Variants in OPRM1 observed in about 807,000 individuals in gnomAD.
OPRM1 encodes mu-type opioid receptor.
In OPRM1, 27 loss-of-function variants were observed where a neutral mutation model predicts 31.8. The observed-to-expected ratio is 0.85, with a 90% CI of 0.63 to 1.17. The LOEUF (loss-of-function observed/expected upper bound fraction) is 1.17. OPRM1 is among the 50% of genes most tolerant of loss of function. OPRM1 has a pLI of 0.00. For synonymous variants in OPRM1, 196 were observed against 189.9 expected (o/e 1.03, Z -0.26); for missense variants, 536 against 511.1 (o/e 1.05, Z -0.47).
At chr6:154,206,373 T>G (rs1161509687) in intron 3 of OPRM1, among the ~76,000 whole-genome samples, 1 of 152,188 alleles carries the variant, frequency 6.6e-6, no homozygotes, top group Non-Finnish European at 1.5e-5. Flanking sequence ...GGGGAAATAT[T>G]TGTGGAACAA....
intron 1 of OPRM1, among the ~76,000 whole-genome samples, chr6:154,063,321 T>A (rs1456613446): frequency 6.6e-6 from 1 of 152,008 alleles, no homozygotes; most frequent in Admixed American, 6.6e-5. Flanking sequence ...TGTACTTTAT[T>A]TATTATACAG....
In OPRM1 at chr6:154,199,662, G is replaced by T. The variant is rs755616408; in HGVS notation, c.1165-47031G>T. The T allele has an allele frequency of 6.9e-6, 11 of 1,589,132 alleles. No homozygotes were observed. The African/African-American group carries it at 1.5e-4, about 21-fold the overall frequency. On this transcript the variant is annotated intron_variant, in intron 3 of 3. Coordinates refer to the OPRM1 transcript ENST00000337049. ...CTAACGAAGAATAAATAATTTATTG[G>T]TTTACCTTTGTCCATGATCTTTGAT...
intron 3 of OPRM1, among the ~76,000 whole-genome samples, chr6:154,211,942 G>C (rs1777995473): frequency 6.6e-6 from 1 of 152,194 alleles, no homozygotes; most frequent in African/African-American, 2.4e-5. Flanking sequence ...TCACAAAAGA[G>C]AAAGTTCTAA....
rs58429478 is a variant in OPRM1, at chr6:154,170,812, A to T, written c.1165-75881A>T. On this transcript the variant is annotated intron_variant, in intron 3 of 3. Coordinates refer to the OPRM1 transcript ENST00000337049. ...GTAGTAAGTGTGGATGAGGATGTGG[A>T]TAAATTGGAACCCTCATACATTGTT... Among the ~76,000 whole-genome samples the T allele has an allele frequency of 5.8e-3, 876 of 152,320 alleles. 11 individuals are homozygous for T. The highest frequency in any genetic ancestry group is 0.02 in the African/African-American group (852 of 41,564).
intron 3 of OPRM1, among the ~76,000 whole-genome samples, chr6:154,176,538 G>A (rs1800347088): frequency 6.6e-6 from 1 of 151,928 alleles, no homozygotes; most frequent in South Asian, 2.1e-4. Context: ...AACAGACAGA[G>A]AGCCAAATCA....
chr6:154,155,014 TA>T (rs970302270), intron 3 of OPRM1: 177 of 147,274 alleles, frequency 1.2e-3, no homozygotes, highest in East Asian at 5.1e-3. Context: ...GGCTAAAGGT[TA>T]AAAAAAAAAA....
intron 3 of OPRM1, among the ~76,000 whole-genome samples, chr6:154,185,597 T>A (rs1340048104): frequency 6.6e-6 from 1 of 152,236 alleles, no homozygotes; most frequent in Admixed American, 6.5e-5. Flanking sequence ...ATATGCCATA[T>A]GCTTATTATA....
rs116608363 is a variant in OPRM1 at position 154,111,397 on chromosome 6, T to G, written c.1165-7286T>G. Among the ~76,000 whole-genome samples, 883 of 152,310 alleles carry G rather than the reference T, an allele frequency of 5.8e-3. 5 individuals carry two copies. The highest frequency in any genetic ancestry group is 0.02 in the African/African-American group (841 of 41,558). On this transcript the variant is annotated intron_variant, in intron 3 of 3. Transcript: ENST00000330432. ...CCTGTTATTGCCTTCAATTGTAACT[T>G]TGAATGGCATCACAAAGAGAAAAGA...
In OPRM1 at chr6:154,122,729, T is replaced by C. The variant is rs1797372084; in HGVS notation, c.*4008T>C. 2.6e-5 allele frequency among the ~76,000 whole-genome samples: 4 copies of C among 152,200 alleles called. No homozygotes were observed. The highest frequency in any genetic ancestry group is 2.6e-4 in the Admixed American group (4 of 15,266). ...GTGGCAAATGTTCAACCTTTTGTTA[T>C]GCAATATCACCCATATCAAATACCA... On this transcript the variant is annotated 3_prime_UTR_variant, in exon 4 of 4. Transcript: ENST00000330432.
chr6:154,149,400 G>A (rs571966969), intron 3 of OPRM1, among the ~76,000 whole-genome samples: 15 of 152,170 alleles, frequency 9.9e-5, no homozygotes, highest in East Asian at 9.7e-4. Context: ...CCCATGACAC[G>A]TGGGATTATG....
rs968145559 is a variant in OPRM1, at chr6:154,122,163, A to G, written c.*3442A>G. On this transcript the variant is annotated 3_prime_UTR_variant, in exon 4 of 4. Coordinates refer to ENST00000330432, the MANE Select transcript of OPRM1 (RefSeq NM_000914.5). ...GCTTCTTAACTGGCCACACACACAC[A>G]AGTTGTGTTTGTACAATTCTTGAGG... Among the ~76,000 whole-genome samples the G allele has an allele frequency of 2.6e-5, 4 of 152,186 alleles. No homozygotes were observed. Among genetic ancestry groups the G allele is most frequent in the African/African-American group, 9.7e-5 (4 of 41,440 alleles).
intron 3 of OPRM1, chr6:154,167,775 C>T (rs1161391027): frequency 3.5e-6 from 2 of 577,080 alleles, no homozygotes; most frequent in Non-Finnish European, 6.0e-6. Context: ...TCAAGATCAT[C>T]TTGCCCTATA....
At chr6:154,133,784 T>C (rs1032389142), downstream of OPRM1, among the ~76,000 whole-genome samples, 2 of 152,250 alleles carry the variant, frequency 1.3e-5, no homozygotes, top group African/African-American at 4.8e-5. Flanking sequence ...CAATGAGTCT[T>C]GATTATCTAG....
chr6:154,088,940 C>G (rs2128481610), intron 1 of OPRM1, among the ~76,000 whole-genome samples: 1 of 152,264 alleles, frequency 6.6e-6, no homozygotes, highest in Admixed American at 6.5e-5. Context: ...CTAGAATGAC[C>G]TGCTCCTACC....
At chr6:154,057,910 AG>A (rs1783635641) in intron 1 of OPRM1, among the ~76,000 whole-genome samples, 1 of 152,254 alleles carries the variant, frequency 6.6e-6, no homozygotes, top group Non-Finnish European at 1.5e-5. Context: ...GTTTTGTATC[AG>A]TTTTGTGATA....
At chr6:154,178,297 A>AC (rs1374575350) in intron 3 of OPRM1, among the ~76,000 whole-genome samples, 2 of 152,194 alleles carry the variant, frequency 1.3e-5, no homozygotes, top group East Asian at 3.8e-4. Flanking sequence ...ATAATAAAAA[A>AC]AATTATATTA....
Position 154,125,234 on chromosome 6 carries a change from C to A in OPRM1, c.*6513C>A, listed in dbSNP as rs1797519808. 6.6e-6 allele frequency among the ~76,000 whole-genome samples: 1 copy of A among 152,120 alleles called. No homozygotes were observed. Among genetic ancestry groups the A allele is most frequent in the Admixed American group, 6.5e-5 (1 of 15,276 alleles). The stretch of plus-strand genomic sequence containing the variant: ...GAAAGAACAGTAATACTAATTATAT[C>A]CCATGTAAGGGGCTACTGACAATTT... On this transcript the variant is annotated 3_prime_UTR_variant, in exon 4 of 4. Transcript: ENST00000330432.
intron 3 of OPRM1, among the ~76,000 whole-genome samples, chr6:154,115,770 G>A (rs1322830573): frequency 6.6e-6 from 1 of 152,188 alleles, no homozygotes; most frequent in Non-Finnish European, 1.5e-5. Context: ...CATTAAAGGA[G>A]GATTGATCTC....
At chr6:154,103,186 A>G (rs9322447) in intron 3 of OPRM1, among the ~76,000 whole-genome samples, 74,998 of 151,928 alleles carry the variant, frequency 0.49, 19,284 homozygotes, top group East Asian at 0.8. Context: ...TAATCTCTGA[A>G]GCAAATAAGA....
Sources: allele counts gnomAD v4.1 joint callset (sites outside exome capture counted in the v4.1 genomes callset), GRCh38; gene constraint gnomAD v4.1.1; transcripts MANE v1.5; gene names NCBI Gene and HGNC (gene_info 2026-07-23, HGNC 2026-07-21).